NBEA: variants seen among roughly 807,000 people sequenced by gnomAD.
NBEA encodes lysosomal-trafficking regulator 2.
A neutral mutation model predicts 343.4 loss-of-function variants in NBEA; 44 were observed. The ratio of observed to expected loss-of-function variants is 0.13; its 90% CI spans 0.10 to 0.16. The LOEUF (loss-of-function observed/expected upper bound fraction) is 0.16, where lower values mean the gene tolerates loss of function less well. Among genes scored for constraint, NBEA ranks in the 10% least tolerant of loss-of-function variants. NBEA has a pLI of 1.00. For missense variants in NBEA, 2,555 were observed against 3,631.3 expected (o/e 0.70, Z 7.62); for synonymous variants, 1,175 against 1,238.7 (o/e 0.95, Z 1.08).
chr13:35,470,698 GTT>G (rs1209937680), intron 40 of NBEA, among the ~76,000 whole-genome samples: 1 of 152,200 alleles, frequency 6.6e-6, no homozygotes, highest in East Asian at 1.9e-4. Context: ...TTGCTTAAGG[GTT>G]AAGGGAGCGG....
intron 36 of NBEA, among the ~76,000 whole-genome samples, chr13:35,327,438 A>G (rs188457516): frequency 1.3e-5 from 2 of 152,232 alleles, no homozygotes; most frequent in East Asian, 1.9e-4. Flanking sequence ...ATGGAATACT[A>G]TGCAGCCATA....
intron 34 of NBEA, among the ~76,000 whole-genome samples, chr13:35,288,145 G>A (rs903625869): frequency 6.6e-6 from 1 of 151,862 alleles, no homozygotes; most frequent in Non-Finnish European, 1.5e-5. Context: ...TTTTTGAGAC[G>A]TACACTTGTA....
At chr13:35,595,493 AC>A (rs113565425) in intron 47 of NBEA, among the ~76,000 whole-genome samples, 3,101 of 152,054 alleles carry the variant, frequency 0.02, 107 homozygotes, top group African/African-American at 0.07. Flanking sequence ...TGCCATGTAG[AC>A]TTCCCCTTTC....
intron 48 of NBEA, among the ~76,000 whole-genome samples, chr13:35,612,411 C>T (rs2082563598): frequency 1.3e-5 from 2 of 152,122 alleles, no homozygotes; most frequent in Non-Finnish European, 2.9e-5. Flanking sequence ...GGATTACAGG[C>T]GTGAGCCACG....
chr13:35,257,043 GT>G (rs551289271), intron 34 of NBEA, among the ~76,000 whole-genome samples: 308 of 152,328 alleles, frequency 2.0e-3, no homozygotes, highest in Non-Finnish European at 3.4e-3. Context: ...CCCCACTGCA[GT>G]TGGTGTCTTT....
chr13:35,570,523 G>A (rs1032274565), intron 45 of NBEA, among the ~76,000 whole-genome samples: 8 of 152,212 alleles, frequency 5.3e-5, no homozygotes, highest in Non-Finnish European at 7.3e-5. Context: ...AGTTCTTCAT[G>A]CTGTGAACAG....
chr13:35,378,831 C>A (rs1479414390), intron 38 of NBEA, among the ~76,000 whole-genome samples: 1 of 151,722 alleles, frequency 6.6e-6, no homozygotes, highest in Non-Finnish European at 1.5e-5. Context: ...TAACTGCTAT[C>A]CTAAATTCTA....
At chr13:34,985,732 C>G (rs1041498289) in intron 1 of NBEA, among the ~76,000 whole-genome samples, 1 of 150,532 alleles carries the variant, frequency 6.6e-6, no homozygotes, top group Non-Finnish European at 1.5e-5. Context: ...TTATTGGTCC[C>G]TTCAGAGATT....
At chr13:35,427,140 G>A (rs2044738509) in intron 38 of NBEA, among the ~76,000 whole-genome samples, 1 of 152,176 alleles carries the variant, frequency 6.6e-6, no homozygotes, top group African/African-American at 2.4e-5. Context: ...ACTCGTCAAA[G>A]TCATTCTCCA....
intron 17 of NBEA, among the ~76,000 whole-genome samples, chr13:35,136,258 C>T (rs1421405095): frequency 6.6e-6 from 1 of 152,158 alleles, no homozygotes; most frequent in Admixed American, 6.5e-5. Flanking sequence ...CCTTAATAAT[C>T]CCCACATTAG....
At chr13:35,219,707 A>G (rs768102047) in intron 33 of NBEA, among the ~76,000 whole-genome samples, 1 of 152,132 alleles carries the variant, frequency 6.6e-6, no homozygotes, top group Non-Finnish European at 1.5e-5. Context: ...CCAGTGATAC[A>G]AGTTCCTATC....
At chr13:35,484,216 A>T (rs1000811262) in intron 41 of NBEA, among the ~76,000 whole-genome samples, 1 of 149,848 alleles carries the variant, frequency 6.7e-6, no homozygotes, top group East Asian at 2.0e-4. Context: ...ATTTACTTAA[A>T]TATTTACCTA....
chr13:35,518,740 C>A (rs1015796656), intron 41 of NBEA, among the ~76,000 whole-genome samples: 3 of 152,164 alleles, frequency 2.0e-5, no homozygotes, highest in Admixed American at 1.3e-4. Context: ...GCCCTACTTG[C>A]TAGCAGCAGT....
chr13:35,637,047 C>T (rs1346599250), intron 49 of NBEA, among the ~76,000 whole-genome samples: 1 of 152,140 alleles, frequency 6.6e-6, no homozygotes, highest in African/African-American at 2.4e-5. Flanking sequence ...CATTCCTACC[C>T]CAACATGTAG....
intron 34 of NBEA, among the ~76,000 whole-genome samples, chr13:35,283,362 A>G (rs922354615): frequency 1.3e-5 from 2 of 152,140 alleles, no homozygotes; most frequent in Admixed American, 1.3e-4. Flanking sequence ...TTTCTGAGCA[A>G]TCTAAACATT....
At chr13:35,270,614 C>G (rs2034055866) in intron 34 of NBEA, among the ~76,000 whole-genome samples, 1 of 152,164 alleles carries the variant, frequency 6.6e-6, no homozygotes, top group African/African-American at 2.4e-5. Flanking sequence ...AGGAATGGTA[C>G]ACGCCTGCCC....
intron 38 of NBEA, among the ~76,000 whole-genome samples, chr13:35,390,545 G>A (rs1008373250): frequency 1.3e-5 from 2 of 152,154 alleles, no homozygotes; most frequent in Admixed American, 1.3e-4. Context: ...TCTGTCAGAG[G>A]TGTCAGGGCT....
chr13:35,208,942 C>A (rs545469444), intron 32 of NBEA, 88 bp downstream of exon 32: 30 of 967,782 alleles, frequency 3.1e-5, no homozygotes, highest in Non-Finnish European at 4.4e-5. Flanking sequence ...AATTAAAATA[C>A]CCTAATCATT....
intron 1 of NBEA, among the ~76,000 whole-genome samples, chr13:35,017,702 A>C (rs927578677): frequency 1.3e-5 from 2 of 152,108 alleles, no homozygotes; most frequent in Non-Finnish European, 2.9e-5. Flanking sequence ...TCTGGGTACA[A>C]GTCTTATCAG....
Sources: gnomAD v4.1 joint callset for allele counts (sites outside exome capture counted in the v4.1 genomes callset) on GRCh38, gnomAD v4.1.1 for gene constraint, MANE v1.5 for transcripts, NCBI Gene and HGNC (gene_info 2026-07-23, HGNC 2026-07-21) for gene names.